The following ANKS1A variants were observed in gnomAD, a reference collection of about 807,000 sequenced individuals.
ANKS1A encodes ankyrin repeat and sterile alpha motif domain containing 1A.
Under a neutral mutation model 120.3 loss-of-function variants are expected in ANKS1A, and 55 were observed. The observed-to-expected ratio is 0.46, with a 90% CI of 0.37 to 0.57. The LOEUF is 0.57. Ranked by LOEUF, ANKS1A falls within the 20% of genes least tolerant of loss-of-function variation. The pLI, the probability that ANKS1A is intolerant of heterozygous loss-of-function variation, is 0.00. For synonymous variants in ANKS1A, 590 were observed against 604.7 expected (o/e 0.98, Z 0.36); for missense variants, 1,123 against 1,480.3 (o/e 0.76, Z 3.96).
rs138620347 is a variant in ANKS1A at position 35,017,526 on chromosome 6, G to A, written c.1477G>A (p.Gly493Arg). The change falls in exon 11 of 24, where the codon GGG (glycine) becomes AGG (arginine). Residue 493 changes from glycine (G) to arginine (R), a missense_variant. Gly to Arg is a moderately radical substitution (Grantham distance 125). Coordinates refer to ENST00000360359, the MANE Select transcript of ANKS1A (RefSeq NM_015245.3). ...CCAGGACTCTGCGGAGGGGCAGGAC[G>A]GGCAGGTCCCAGAGCAGTTCTCAGG... ...RSQDSAEGQD[G>R]QVPEQFSGLL... 1.5e-5 allele frequency: 25 copies of A among 1,613,886 alleles called. No homozygotes were observed. The East Asian group carries it at 2.0e-4, about 13-fold the overall frequency.
At chr6:34,931,973 T>C (rs947230316) in intron 1 of ANKS1A, among the ~76,000 whole-genome samples, 5 of 152,224 alleles carry the variant, frequency 3.3e-5, no homozygotes, top group African/African-American at 1.2e-4. Flanking sequence ...AAATAGTTGA[T>C]AGCCTCTAGA....
chr6:35,052,823 C>G (rs1226301375), intron 11 of ANKS1A, among the ~76,000 whole-genome samples: 1 of 152,106 alleles, frequency 6.6e-6, no homozygotes, highest in Non-Finnish European at 1.5e-5. Flanking sequence ...CCCTGTGCCT[C>G]TGGGCTGCTG....
In ANKS1A at chr6:35,090,514, CTTTA is replaced by C. The variant is rs1778243993; in HGVS notation, c.*1912_*1915del. On this transcript the variant is annotated 3_prime_UTR_variant, in exon 24 of 24. Transcript: ENST00000360359. ...CTTCTGCTTGAAGCTGCTATATCAT[CTTTA>C]TTTATTCAGGGTATTTTCATATTGG... 9.4e-7 allele frequency: 1 copy of C among 1,058,500 alleles called. No individual in the cohort carries two copies. The allele number at this position is 1,058,500 out of a possible 1,614,324, so 65.6% of individuals were successfully genotyped here.
rs1036910276 is a variant in ANKS1A, at chr6:35,084,470, C to T, written c.3132+212C>T. Among the ~76,000 whole-genome samples the T allele has an allele frequency of 4.0e-5, 6 of 149,872 alleles. No individual in the cohort carries two copies. The highest frequency in any genetic ancestry group is 1.5e-4 in the African/African-American group (6 of 40,698). ...AGAGGGAACAGGGACTGGCCCAGGGCACTAGGGACAGGAGGTTCCAGCTTT... is the reference window on the plus strand; with the variant it reads ...AGAGGGAACAGGGACTGGCCCAGGGTACTAGGGACAGGAGGTTCCAGCTTT... On this transcript the variant is annotated intron_variant, in intron 21 of 23. Coordinates refer to ENST00000360359, the MANE Select transcript of ANKS1A (RefSeq NM_015245.3). The surrounding 1 kb of genome is among the most constrained non-coding windows in gnomAD (Gnocchi z 4.8).
intron 10 of ANKS1A, among the ~76,000 whole-genome samples, chr6:35,000,162 C>T (rs1187520964): frequency 1.3e-5 from 2 of 152,022 alleles, no homozygotes; most frequent in African/African-American, 2.4e-5. Context: ...CCCGAAAGCA[C>T]TGAGGCCTTC....
At chr6:35,043,261 T>C (rs1478105105) in intron 11 of ANKS1A, among the ~76,000 whole-genome samples, 1 of 152,242 alleles carries the variant, frequency 6.6e-6, no homozygotes, top group East Asian at 1.9e-4. Context: ...TGAGAGCCCA[T>C]GACTTGCTAA....
At chr6:35,035,232 T>G (rs1008280319) in intron 11 of ANKS1A, among the ~76,000 whole-genome samples, 1 of 152,206 alleles carries the variant, frequency 6.6e-6, no homozygotes, top group African/African-American at 2.4e-5. Context: ...ACACAATTCC[T>G]TCTCTTAGGA....
chr6:34,904,338 A>G (rs1002984272), intron 1 of ANKS1A, among the ~76,000 whole-genome samples: 17 of 151,898 alleles, frequency 1.1e-4, no homozygotes, highest in African/African-American at 4.1e-4. Context: ...TTTTTTTTCC[A>G]TGGTTGGTTG....
In ANKS1A at chr6:35,050,670, G is replaced by T. The variant is rs1286029240; in HGVS notation, c.2011-3429G>T. 6.6e-6 allele frequency among the ~76,000 whole-genome samples: 1 copy of T among 152,228 alleles called. No homozygotes were observed. The highest frequency in any genetic ancestry group is 1.5e-5 in the Non-Finnish European group (1 of 68,042). ...GGGTGAGTCTGAGGCAAGGAGAGAA[G>T]ATGAGCTCCGGCTTCTCCCCATCTG... On this transcript the variant is annotated intron_variant, in intron 11 of 23. Coordinates refer to ENST00000360359, the MANE Select transcript of ANKS1A (RefSeq NM_015245.3). The surrounding 1 kb of genome is among the most constrained non-coding windows in gnomAD (Gnocchi z 4.3).
intron 1 of ANKS1A, among the ~76,000 whole-genome samples, chr6:34,936,596 CT>C: frequency 1.3e-5 from 2 of 152,212 alleles, no homozygotes; most frequent in South Asian, 4.2e-4. Flanking sequence ...AATATGTTTC[CT>C]TCCTTAATGG....
At chr6:34,895,078 A>T (rs1014997474) in intron 1 of ANKS1A, among the ~76,000 whole-genome samples, 6 of 152,150 alleles carry the variant, frequency 3.9e-5, no homozygotes, top group African/African-American at 1.4e-4. Context: ...AGCATGAAAA[A>T]TTTTGAAAAA....
chr6:35,082,477 C>T lies in ANKS1A; in HGVS notation c.2710-214C>T, dbSNP rs73403873. On this transcript the variant is annotated intron_variant, in intron 17 of 23. Coordinates refer to ENST00000360359, the MANE Select transcript of ANKS1A (RefSeq NM_015245.3). This position sits in a 1 kb window ranked among gnomAD's most constrained non-coding sequence, Gnocchi z 4.1. ...GTCCTTCCCAAGCCCTGCTCTCAGGCGGTTTGGGTCCCTGCTGTGCCTCTG... is the reference window on the plus strand; with the variant it reads ...GTCCTTCCCAAGCCCTGCTCTCAGGTGGTTTGGGTCCCTGCTGTGCCTCTG... Among the ~76,000 whole-genome samples the T allele has an allele frequency of 5.1e-3, 782 of 152,248 alleles. 9 individuals are homozygous for T. Among genetic ancestry groups the T allele is most frequent in the African/African-American group, 0.018 (744 of 41,532 alleles).
chr6:34,912,729 T>C (rs533705001), intron 1 of ANKS1A, among the ~76,000 whole-genome samples: 5 of 152,100 alleles, frequency 3.3e-5, no homozygotes, highest in Non-Finnish European at 5.9e-5. Flanking sequence ...GATTCTTTGA[T>C]ACTGTGGTTA....
chr6:34,938,613 AT>A (rs1431610379), intron 1 of ANKS1A, among the ~76,000 whole-genome samples: 1 of 152,156 alleles, frequency 6.6e-6, no homozygotes, highest in Non-Finnish European at 1.5e-5. Context: ...TTGTTTTCTG[AT>A]TCTGGGATAC....
At chr6:34,993,017 A>G (rs1221723874) in intron 9 of ANKS1A, among the ~76,000 whole-genome samples, 1 of 152,146 alleles carries the variant, frequency 6.6e-6, no homozygotes, top group Non-Finnish European at 1.5e-5. Flanking sequence ...AAGGAATCAC[A>G]TTTTTAGGGT....
rs370968911 is a variant in ANKS1A at position 35,060,100 on chromosome 6, T to G, written c.2078-47T>G. The G allele has an allele frequency of 9.2e-6, 14 of 1,518,080 alleles. No individual in the cohort carries two copies. The highest frequency in any genetic ancestry group is 1.3e-5 in the Non-Finnish European group (14 of 1,102,588). The allele number at this position is 1,518,080 out of a possible 1,614,324, so 94.0% of individuals were successfully genotyped here. A position where few individuals can be genotyped will look rare whatever the true frequency, so the allele number is the denominator to read the frequency against. ...CCTCTGAGTGCCGCTGCTACCGCCT[T>G]AATGGTTTTTCCCTTTTCAAGCGTC... On this transcript the variant is annotated intron_variant, in intron 12 of 23. Transcript: ENST00000360359. This position sits in a 1 kb window ranked among gnomAD's most constrained non-coding sequence, Gnocchi z 4.5.
intron 11 of ANKS1A, among the ~76,000 whole-genome samples, chr6:35,040,517 T>C (rs1199784439): frequency 1.3e-5 from 2 of 152,248 alleles, no homozygotes; most frequent in Non-Finnish European, 2.9e-5. Context: ...TTCACAGTTT[T>C]GACCAGAGCC....
chr6:34,900,806 T>C (rs1767310323), intron 1 of ANKS1A, among the ~76,000 whole-genome samples: 1 of 152,070 alleles, frequency 6.6e-6, no homozygotes, highest in Non-Finnish European at 1.5e-5. Context: ...ACAAAGTCCT[T>C]TGGGAAGACT....
intron 13 of ANKS1A, among the ~76,000 whole-genome samples, chr6:35,064,786 C>T (rs1561950174): frequency 1.3e-5 from 2 of 152,198 alleles, no homozygotes; most frequent in Admixed American, 6.5e-5. Flanking sequence ...GGCCCTCTCC[C>T]CAGCCCCCAC....
Sources: gnomAD v4.1 joint callset for allele counts (sites outside exome capture counted in the v4.1 genomes callset) on GRCh38, gnomAD v4.1.1 for gene constraint, Gnocchi (gnomAD v3.1) non-coding constraint, MANE v1.5 for transcripts, NCBI Gene and HGNC (gene_info 2026-07-23, HGNC 2026-07-21) for gene names.